UBQLN1: variants seen among roughly 807,000 people sequenced by gnomAD.
The protein encoded by UBQLN1 is ubiquilin-1.
Under a neutral mutation model 65.4 loss-of-function variants are expected in UBQLN1, and 13 were observed. The observed-to-expected ratio is 0.20, with a 90% CI of 0.13 to 0.32. The LOEUF is 0.32. UBQLN1 is among the 10% of genes least tolerant of loss of function. The probability of loss-of-function intolerance (pLI) is 1.00; values close to 1 mark genes in which losing one functional copy is unlikely to be tolerated. For missense variants in UBQLN1, 561 were observed against 724.0 expected, an observed-to-expected ratio of 0.77 and a Z score of 2.58; for synonymous variants, 267 against 247.8, an observed-to-expected ratio of 1.08 and a Z score of -0.73.
intron 1 of UBQLN1, among the ~76,000 whole-genome samples, chr9:83,688,525 G>A (rs1198556439): frequency 6.6e-6 from 1 of 151,856 alleles, no homozygotes. Flanking sequence ...CAGTTATATA[G>A]CATTTTATTG....
chr9:83,704,824 CAAA>C (rs780432842), intron 1 of UBQLN1, among the ~76,000 whole-genome samples: 6 of 69,532 alleles, frequency 8.6e-5, no homozygotes, highest in Admixed American at 3.7e-4. Context: ...GACTCCATCT[CAAA>C]AAAAAAAAAA....
chr9:83,664,123 T>C (rs1831606301), intron 9 of UBQLN1, 80 bp from the exon 10 acceptor site: 2 of 1,467,624 alleles, frequency 1.4e-6, no homozygotes, highest in South Asian at 1.3e-5. Context: ...CATTTTAATA[T>C]AAGCTAAGCC....
At chr9:83,671,624 A>G (rs1400670165) in intron 6 of UBQLN1, among the ~76,000 whole-genome samples, 2 of 152,266 alleles carry the variant, frequency 1.3e-5, no homozygotes, top group Non-Finnish European at 2.9e-5. Flanking sequence ...TAAAATATTA[A>G]GTAAACCATG....
At chr9:83,666,540 G>A in intron 7 of UBQLN1, 107 bp from the exon 8 acceptor site, 1 of 980,820 alleles carries the variant, frequency 1.0e-6, no homozygotes, top group Non-Finnish European at 1.6e-6. Flanking sequence ...ACTTAAAAGG[G>A]AGGAAGGTAG....
chr9:83,679,446 C>T (rs1831903743), intron 4 of UBQLN1, among the ~76,000 whole-genome samples: 1 of 151,982 alleles, frequency 6.6e-6, no homozygotes, highest in Non-Finnish European at 1.5e-5. Flanking sequence ...TTAAATAATC[C>T]CTGGTGTATT....
Position 83,669,104 on chromosome 9 carries a change from A to C in UBQLN1, c.1248+81T>G. ...GTATTAAGATATCATACACAACACA[A>C]ATGTGCCAAAATCACAATTACAAGA... On this transcript the variant is annotated intron_variant, in intron 7 of 10. Coordinates refer to ENST00000376395, the MANE Select transcript of UBQLN1 (RefSeq NM_013438.5). 11 of 1,512,930 alleles carry C rather than the reference A, an allele frequency of 7.3e-6. No homozygotes were observed. In the South Asian group the frequency reaches 1.4e-4, roughly 19 times the overall value. 93.7% of individuals were successfully genotyped at this position (1,512,930 alleles called of 1,614,324 possible).
At position 83,662,330 on chromosome 9, in the gene UBQLN1, G is replaced by A. The variant is rs189190095; in HGVS notation, c.1618-391C>T. Among the ~76,000 whole-genome samples the A allele has an allele frequency of 1.8e-3, 265 of 150,054 alleles. 1 individual carries two copies. Among genetic ancestry groups the A allele is most frequent in the African/African-American group, 6.1e-3 (250 of 40,866 alleles). On this transcript the variant is annotated intron_variant, in intron 10 of 10. Transcript: ENST00000376395. ...CACACACACAGATAGTTCAGAATTA[G>A]ATGATTTGTGTAGCTACTGACCAAT...
chr9:83,673,866 A>C (rs1831782127), intron 6 of UBQLN1, among the ~76,000 whole-genome samples: 1 of 152,116 alleles, frequency 6.6e-6, no homozygotes, highest in African/African-American at 2.4e-5. Flanking sequence ...CGGTGATGCC[A>C]TCACAGCTCA....
chr9:83,707,802 A>C lies in UBQLN1; in HGVS notation c.-123T>G. The C allele has an allele frequency of 2.2e-6, 3 of 1,353,394 alleles. No individual in the cohort carries two copies. The highest frequency in any genetic ancestry group is 2.9e-6 in the Non-Finnish European group (3 of 1,041,954). 83.8% of individuals were successfully genotyped at this position (1,353,394 alleles called of 1,614,324 possible). A position where few individuals can be genotyped will look rare whatever the true frequency, so the allele number is the denominator to read the frequency against. ...CGAAGAATGCAGAGCACGCCGCCTC[A>C]GTAGCAACGGGCGCAGGGCCACCGT... is the stretch of plus-strand genomic sequence containing the variant. On this transcript the variant is annotated 5_prime_UTR_variant, in exon 1 of 11. Transcript: ENST00000376395.
At position 83,681,705 on chromosome 9, in the gene UBQLN1, C is replaced by T. The variant is rs574649544; in HGVS notation, c.448+1246G>A. Among the ~76,000 whole-genome samples the T allele has an allele frequency of 7.2e-5, 11 of 152,316 alleles. No homozygotes were observed. The South Asian group carries it at 2.3e-3, about 32-fold the overall frequency. On this transcript the variant is annotated intron_variant, in intron 3 of 10. Transcript: ENST00000376395. ...TACAGTAGCAGATAGCAGTGCTCAC[C>T]AAACATTTCATTTTGCAGCCTTATT...
Position 83,686,123 on chromosome 9 carries a change from T to C in UBQLN1, c.213A>G (p.Ser71=), listed in dbSNP as rs775294883. The stretch of plus-strand genomic sequence containing the variant: ...ATATCAACACAAGTTGGTCAGTATG[T>C]GATTTAAAACGTTTAGAGATTTCTT... ...FKEEISKRFK[S]HTDQLVLIFA... Residue 71 remains serine (S), a synonymous_variant, in exon 2 of 11, where the codon TCA becomes TCG. Coordinates refer to ENST00000376395, the MANE Select transcript of UBQLN1 (RefSeq NM_013438.5). 2.5e-6 allele frequency: 4 copies of C among 1,587,126 alleles called. No homozygotes were observed. Among genetic ancestry groups the C allele is most frequent in the African/African-American group, 2.7e-5 (2 of 73,072 alleles).
chr9:83,678,167 G>A (rs544200632), intron 5 of UBQLN1, among the ~76,000 whole-genome samples: 179 of 151,830 alleles, frequency 1.2e-3, no homozygotes, highest in Non-Finnish European at 2.1e-3. Context: ...GACTACAGGC[G>A]CCCACCACCA....
Position 83,660,675 on chromosome 9 carries a change from C to G in UBQLN1, c.*1112G>C, listed in dbSNP as rs1211305628. 6.7e-6 allele frequency: 1 copy of G among 148,820 alleles called. No individual in the cohort carries two copies. Among genetic ancestry groups the G allele is most frequent in the African/African-American group, 2.5e-5 (1 of 40,234 alleles). The allele number at this position is 148,820 out of a possible 1,614,324, so 9.2% of individuals were successfully genotyped here. ...AGATTCCGCTGCCCCACCCCCCCAC[C>G]CCGTCCCCCTTTCTCTGAGGCTCTG... is the stretch of plus-strand genomic sequence containing the variant. On this transcript the variant is annotated 3_prime_UTR_variant, in exon 11 of 11. Transcript: ENST00000376395.
chr9:83,667,796 T>A (rs1831666304), intron 7 of UBQLN1: 1 of 973,370 alleles, frequency 1.0e-6, no homozygotes, highest in Non-Finnish European at 1.2e-6. Context: ...TTTTTAAATA[T>A]TTAAAAATCA....
At chr9:83,705,095 C>T (rs1192157273) in intron 1 of UBQLN1, among the ~76,000 whole-genome samples, 1 of 152,138 alleles carries the variant, frequency 6.6e-6, no homozygotes, top group African/African-American at 2.4e-5. Context: ...TATGGCTACA[C>T]ACCCGCTAAA....
At chr9:83,668,484 C>T in intron 7 of UBQLN1, 2 of 985,296 alleles carry the variant, frequency 2.0e-6, no homozygotes, top group Non-Finnish European at 2.4e-6. Context: ...AGTACCTAGG[C>T]AACTTGAGGG....
At chr9:83,685,916 G>A in intron 2 of UBQLN1, 88 bp downstream of exon 2, 5 of 1,171,206 alleles carry the variant, frequency 4.3e-6, no homozygotes, top group Non-Finnish European at 5.9e-6. Context: ...TAATGACAGG[G>A]AAAGTAATTT....
At chr9:83,705,875 G>GACTCTAT (rs1832395392) in intron 1 of UBQLN1, among the ~76,000 whole-genome samples, 1 of 141,794 alleles carries the variant, frequency 7.1e-6, no homozygotes, top group African/African-American at 2.7e-5. Context: ...CAGTACTATA[G>GACTCTAT]GCTCTATGGG....
chr9:83,705,768 A>G (rs1346359120), intron 1 of UBQLN1, among the ~76,000 whole-genome samples: 1 of 152,206 alleles, frequency 6.6e-6, no homozygotes, highest in African/African-American at 2.4e-5. Flanking sequence ...ACTACACACT[A>G]ATAAAAAGAA....
Sources: allele counts gnomAD v4.1 joint callset (sites outside exome capture counted in the v4.1 genomes callset), GRCh38; gene constraint gnomAD v4.1.1; transcripts MANE v1.5; gene names NCBI Gene and HGNC (gene_info 2026-07-23, HGNC 2026-07-21).